FERMT2: variants seen among roughly 807,000 people sequenced by gnomAD.
FERMT2 encodes fermitin family homolog 2.
A neutral mutation model predicts 82.7 loss-of-function variants in FERMT2; 15 were observed. The observed-to-expected ratio is 0.18, with a 90% CI of 0.12 to 0.28. The LOEUF (loss-of-function observed/expected upper bound fraction) is 0.28, where lower values mean the gene tolerates loss of function less well. Ranked by LOEUF, FERMT2 falls within the 10% of genes least tolerant of loss-of-function variation. The probability of loss-of-function intolerance (pLI) is 1.00; values close to 1 mark genes in which losing one functional copy is unlikely to be tolerated. For missense variants in FERMT2, 645 were observed against 809.4 expected (o/e 0.80, Z 2.46); for synonymous variants, 274 against 271.5 (o/e 1.01, Z -0.09).
chr14:52,858,924 C>T (rs1396841998), intron 14 of FERMT2: 1 of 171,614 alleles, frequency 5.8e-6, no homozygotes, highest in African/African-American at 2.4e-5. Flanking sequence ...TTTTAGGTAT[C>T]ACGTTTGAGT....
At chr14:52,886,958 C>G (rs1191599508) in intron 4 of FERMT2, among the ~76,000 whole-genome samples, 1 of 152,062 alleles carries the variant, frequency 6.6e-6, no homozygotes, top group Non-Finnish European at 1.5e-5. Context: ...TGAGGTCCAT[C>G]AGTATGTATC....
chr14:52,867,536 G>A (rs946075980), intron 10 of FERMT2, among the ~76,000 whole-genome samples: 3 of 151,944 alleles, frequency 2.0e-5, no homozygotes, highest in Admixed American at 6.6e-5. Context: ...AAACATGGGT[G>A]ATCTGCAGGG....
At chr14:52,941,473 T>C (rs899213084) in intron 2 of FERMT2, among the ~76,000 whole-genome samples, 6 of 152,166 alleles carry the variant, frequency 3.9e-5, no homozygotes, top group African/African-American at 1.2e-4. Flanking sequence ...AACAATTATA[T>C]AGTAATTATG....
chr14:52,917,271 CGTGTGTGTGT>C (rs150322009), intron 3 of FERMT2, among the ~76,000 whole-genome samples: 7 of 147,544 alleles, frequency 4.7e-5, no homozygotes, highest in Admixed American at 2.0e-4. Flanking sequence ...CACAGAGATA[CGTGTGTGTGT>C]GTGTGTGTGT....
chr14:52,907,113 A>G (rs529518590), intron 3 of FERMT2, among the ~76,000 whole-genome samples: 1 of 152,308 alleles, frequency 6.6e-6, no homozygotes, highest in Admixed American at 6.5e-5. Context: ...CCCAGGCTCA[A>G]GCGATCCTCC....
chr14:52,934,849 A>T (rs930761370), intron 2 of FERMT2, among the ~76,000 whole-genome samples: 7 of 152,184 alleles, frequency 4.6e-5, no homozygotes, highest in Non-Finnish European at 8.8e-5. Flanking sequence ...TTAAAACATC[A>T]TGAGTTTCTC....
At chr14:52,896,999 AACACACACACACACACACACACACACAC>A (rs57945447) in intron 3 of FERMT2, among the ~76,000 whole-genome samples, 5 of 137,088 alleles carry the variant, frequency 3.6e-5, no homozygotes, top group East Asian at 4.2e-4. Flanking sequence ...AAACAAATAA[AACACACACACACACACACACACACACAC>A]ACACACACAC....
At chr14:52,940,491 G>A (rs1290736616) in intron 2 of FERMT2, among the ~76,000 whole-genome samples, 1 of 152,090 alleles carries the variant, frequency 6.6e-6, no homozygotes, top group Non-Finnish European at 1.5e-5. Flanking sequence ...AAATAGATCA[G>A]GATTTGTATA....
chr14:52,938,305 G>A (rs1889940157), intron 2 of FERMT2, among the ~76,000 whole-genome samples: 2 of 152,192 alleles, frequency 1.3e-5, no homozygotes, highest in Non-Finnish European at 2.9e-5. Flanking sequence ...AATCACAGTT[G>A]AAATTTATAT....
intron 12 of FERMT2, chr14:52,863,672 T>C (rs187474128): frequency 7.0e-4 from 106 of 152,268 alleles, no homozygotes; most frequent in African/African-American, 2.3e-3. Flanking sequence ...ATGTGTAAAA[T>C]TGTGGTTAGG....
intron 2 of FERMT2, among the ~76,000 whole-genome samples, chr14:52,944,922 CAG>C (rs1890259242): frequency 6.6e-6 from 1 of 151,340 alleles, no homozygotes; most frequent in African/African-American, 2.4e-5. Flanking sequence ...TTTTTGGAGA[CAG>C]AGTCTTGCTC....
At chr14:52,917,465 T>C (rs1411369682) in intron 3 of FERMT2, among the ~76,000 whole-genome samples, 1 of 152,186 alleles carries the variant, frequency 6.6e-6, no homozygotes, top group Admixed American at 6.5e-5. Flanking sequence ...CAATTATTAA[T>C]TCCAGATAAT....
chr14:52,904,202 G>A (rs987027005), intron 3 of FERMT2, among the ~76,000 whole-genome samples: 1 of 152,068 alleles, frequency 6.6e-6, no homozygotes, highest in Non-Finnish European at 1.5e-5. Context: ...CCAACATAGT[G>A]AAACCTCATC....
At chr14:52,902,806 C>A (rs148153128) in intron 3 of FERMT2, among the ~76,000 whole-genome samples, 1,405 of 133,254 alleles carry the variant, frequency 0.011, 26 homozygotes, top group African/African-American at 0.038. Flanking sequence ...GAGGTGGAGG[C>A]TGCAGTGAGC....
chr14:52,880,150 T>C (rs1886203400), intron 6 of FERMT2, among the ~76,000 whole-genome samples: 2 of 151,996 alleles, frequency 1.3e-5, no homozygotes, highest in South Asian at 2.1e-4. Context: ...CCCAGCTACT[T>C]GGGAGGCGAC....
intron 9 of FERMT2, chr14:52,873,630 TA>T (rs1416497570): frequency 6.6e-6 from 1 of 152,382 alleles, no homozygotes; most frequent in South Asian, 2.1e-4. Context: ...TTTTGTATCT[TA>T]TATAGTAGAA....
rs533608174 is a variant in FERMT2, at chr14:52,946,833, C to T, written c.157+3579G>A. ...GATTCCAGGCACATGCCACCACATC[C>T]AGCTAATTTTTGTATTTTTAGTAGA... On this transcript the variant is annotated intron_variant, in intron 2 of 14. Coordinates refer to ENST00000341590, the MANE Select transcript of FERMT2 (RefSeq NM_006832.3). Among the ~76,000 whole-genome samples the T allele has an allele frequency of 2.0e-5, 3 of 152,146 alleles. No homozygotes were observed. In the South Asian group the frequency reaches 6.2e-4, roughly 32 times the overall value.
At chr14:52,869,069 C>A (rs1016960634) in intron 10 of FERMT2, among the ~76,000 whole-genome samples, 1 of 152,010 alleles carries the variant, frequency 6.6e-6, no homozygotes, top group African/African-American at 2.4e-5. Context: ...AGAACAGGGG[C>A]CAGAAGACAG....
Position 52,881,022 on chromosome 14 carries a change from TA to T in FERMT2, c.855+13del. 1 of 1,560,104 alleles carries T rather than the reference TA, an allele frequency of 6.4e-7. No individual in the cohort carries two copies. Among genetic ancestry groups the T allele is most frequent in the Non-Finnish European group, 8.8e-7 (1 of 1,142,768 alleles). The stretch of plus-strand genomic sequence containing the variant: ...AATGGGGAAAAAAAAAAGATCCCTT[TA>T]AACCCTCGGTACCTTTGGATTCAAA... On this transcript the variant is annotated intron_variant, in intron 6 of 14. Transcript: ENST00000341590.
Sources: gnomAD v4.1 joint callset for allele counts (sites outside exome capture counted in the v4.1 genomes callset) on GRCh38, gnomAD v4.1.1 for gene constraint, MANE v1.5 for transcripts, NCBI Gene and HGNC (gene_info 2026-07-23, HGNC 2026-07-21) for gene names.